AIG1: variants seen among roughly 807,000 people sequenced by gnomAD.
AIG1 encodes the protein androgen-induced gene 1 protein.
A neutral mutation model predicts 31.4 loss-of-function variants in AIG1; 23 were observed. That is an observed-to-expected ratio of 0.73 (90% CI 0.53 to 1.04). The LOEUF (loss-of-function observed/expected upper bound fraction) is 1.04, where lower values mean the gene tolerates loss of function less well. Among genes scored for constraint, AIG1 ranks in the 50% least tolerant of loss-of-function variants. The pLI is 0.00. For synonymous variants in AIG1, 100 were observed against 110.5 expected, an observed-to-expected ratio of 0.90 and a Z score of 0.60; for missense variants, 274 against 295.0, an observed-to-expected ratio of 0.93 and a Z score of 0.52.
chr6:143,342,279 G>A (rs905608125), downstream of AIG1: 2 of 686,370 alleles, frequency 2.9e-6, no homozygotes, highest in Non-Finnish European at 5.3e-6. Context: ...GAGAGGCTGG[G>A]GCTGCGGCTC....
intron 3 of AIG1, among the ~76,000 whole-genome samples, chr6:143,184,383 C>T (rs1789030844): frequency 6.6e-6 from 1 of 152,246 alleles, no homozygotes; most frequent in Non-Finnish European, 1.5e-5. Context: ...CTGGTCTGTG[C>T]TTCCTGATCC....
chr6:143,184,916 G>A (rs1241631160), intron 3 of AIG1, among the ~76,000 whole-genome samples: 3 of 152,156 alleles, frequency 2.0e-5, no homozygotes, highest in Non-Finnish European at 2.9e-5. Flanking sequence ...ATTCAATCTC[G>A]GCTGAGTGCA....
At chr6:143,225,862 T>A (rs1162149575) in intron 3 of AIG1, among the ~76,000 whole-genome samples, 1 of 152,236 alleles carries the variant, frequency 6.6e-6, no homozygotes. Flanking sequence ...TTGTATATAT[T>A]TTAATGTAAG....
intron 3 of AIG1, among the ~76,000 whole-genome samples, chr6:143,283,695 T>C (rs922212628): frequency 6.6e-6 from 1 of 152,224 alleles, no homozygotes; most frequent in African/African-American, 2.4e-5. Flanking sequence ...GCTGCAATAT[T>C]ATGATAAAAA....
chr6:143,124,457 C>T (rs940885751), intron 1 of AIG1, among the ~76,000 whole-genome samples: 2 of 152,210 alleles, frequency 1.3e-5, no homozygotes, highest in Admixed American at 6.5e-5. Context: ...CTCCTGCCCA[C>T]GGTGGACCGT....
intron 3 of AIG1, among the ~76,000 whole-genome samples, chr6:143,173,001 T>C (rs1346640352): frequency 6.6e-6 from 1 of 152,178 alleles, no homozygotes; most frequent in Non-Finnish European, 1.5e-5. Context: ...TTTTTTATCT[T>C]TATAAAGAGT....
chr6:143,216,657 C>A (rs1792053548), intron 3 of AIG1, among the ~76,000 whole-genome samples: 1 of 152,180 alleles, frequency 6.6e-6, no homozygotes, highest in Non-Finnish European at 1.5e-5. Flanking sequence ...TAGTACAGAT[C>A]AGGAATGGCA....
intron 3 of AIG1, among the ~76,000 whole-genome samples, chr6:143,207,329 AT>A (rs1169099098): frequency 6.6e-6 from 1 of 152,050 alleles, no homozygotes; most frequent in East Asian, 1.9e-4. Context: ...TAGTTTTAGA[AT>A]TTTCCTTTCC....
chr6:143,191,404 T>TA (rs939530510), intron 3 of AIG1, among the ~76,000 whole-genome samples: 1 of 152,192 alleles, frequency 6.6e-6, no homozygotes, highest in Non-Finnish European at 1.5e-5. Context: ...ACAGGGGACA[T>TA]GAGTTTTTTC....
At chr6:143,264,154 C>T (rs964919331) in intron 3 of AIG1, among the ~76,000 whole-genome samples, 3 of 152,106 alleles carry the variant, frequency 2.0e-5, no homozygotes, top group African/African-American at 7.2e-5. Context: ...TTATTTTATT[C>T]GTATGAGCGC....
At chr6:143,308,299 C>T (rs902515063) in intron 4 of AIG1, among the ~76,000 whole-genome samples, 17 of 152,242 alleles carry the variant, frequency 1.1e-4, no homozygotes, top group South Asian at 1.0e-3. Flanking sequence ...TCTTCTGCAT[C>T]GCTCACGCTG....
At chr6:143,122,025 G>GGTA (rs1562397923) in intron 1 of AIG1, among the ~76,000 whole-genome samples, 45 of 152,236 alleles carry the variant, frequency 3.0e-4, no homozygotes, top group Middle Eastern at 6.8e-3. Context: ...TTATAAAGCA[G>GGTA]CATAAATTAT....
chr6:143,204,289 A>G (rs1427762602), intron 3 of AIG1, among the ~76,000 whole-genome samples: 1 of 152,082 alleles, frequency 6.6e-6, no homozygotes, highest in Non-Finnish European at 1.5e-5. Context: ...TTTGGCTGAC[A>G]TTGTCTTGTG....
At chr6:143,066,624 T>C (rs78226162) in intron 1 of AIG1, among the ~76,000 whole-genome samples, 6,382 of 152,062 alleles carry the variant, frequency 0.042, 426 homozygotes, top group African/African-American at 0.14. Flanking sequence ...CACTGTGATA[T>C]AACAAAAAAA....
At chr6:143,231,219 T>G (rs1793418260) in intron 3 of AIG1, among the ~76,000 whole-genome samples, 1 of 152,212 alleles carries the variant, frequency 6.6e-6, no homozygotes, top group African/African-American at 2.4e-5. Flanking sequence ...AATAAATGAA[T>G]GCATACCACT....
Position 143,274,750 on chromosome 6 carries a change from T to G in AIG1, c.400-9360T>G, listed in dbSNP as rs4895606. Among the ~76,000 whole-genome samples the G allele has an allele frequency of 1.3e-4, 20 of 152,204 alleles. No individual in the cohort carries two copies. In the South Asian group the frequency reaches 3.9e-3, roughly 30 times the overall value. Reference sequence around the variant, plus strand: ...TAAAAGAGCATGTTTTAGAGTCAGGTAGATCTGGAATCAAATGTTGGCTAC... The same window carrying G: ...TAAAAGAGCATGTTTTAGAGTCAGGGAGATCTGGAATCAAATGTTGGCTAC... On this transcript the variant is annotated intron_variant, in intron 3 of 5. Coordinates refer to ENST00000357847, the MANE Select transcript of AIG1 (RefSeq NM_016108.4).
intron 3 of AIG1, among the ~76,000 whole-genome samples, chr6:143,218,806 T>C (rs1226963162): frequency 1.3e-5 from 2 of 152,232 alleles, no homozygotes; most frequent in African/African-American, 4.8e-5. Context: ...CCTCTGCTAC[T>C]TTCTGACCCC....
intron 1 of AIG1, 156 bp downstream of exon 1, chr6:143,061,222 T>A: frequency 1.1e-6 from 1 of 918,072 alleles, no homozygotes; most frequent in Non-Finnish European, 1.8e-6. Context: ...AGTGATTGCG[T>A]GTGAAGGCCT....
At chr6:143,323,924 G>C (rs1419294764) in intron 4 of AIG1, among the ~76,000 whole-genome samples, 1 of 152,204 alleles carries the variant, frequency 6.6e-6, no homozygotes, top group East Asian at 1.9e-4. Flanking sequence ...CCTTTAGAAT[G>C]GTTCTAAAAT....
Sources: gnomAD v4.1 joint callset for allele counts (sites outside exome capture counted in the v4.1 genomes callset) on GRCh38, gnomAD v4.1.1 for gene constraint, MANE v1.5 for transcripts, NCBI Gene and HGNC (gene_info 2026-07-23, HGNC 2026-07-21) for gene names.